Variants in GBF1 observed in about 807,000 individuals in gnomAD.
GBF1 encodes Golgi-specific brefeldin A-resistance guanine nucleotide exchange factor 1.
GBF1 carries 114 observed loss-of-function variants against 210.5 expected under a neutral mutation model. The observed-to-expected ratio is 0.54, with a 90% CI of 0.47 to 0.63. The LOEUF is 0.63. GBF1 is among the 30% of genes least tolerant of loss of function. The pLI, the probability that GBF1 is intolerant of heterozygous loss-of-function variation, is 0.00. For synonymous variants in GBF1, 850 were observed against 889.2 expected, an observed-to-expected ratio of 0.96 and a Z score of 0.78; for missense variants, 1,851 against 2,357.7, an observed-to-expected ratio of 0.79 and a Z score of 4.45.
intron 3 of GBF1, among the ~76,000 whole-genome samples, chr10:102,272,270 A>G (rs2074513981): frequency 6.6e-6 from 1 of 152,074 alleles, no homozygotes; most frequent in Admixed American, 6.6e-5. Flanking sequence ...GCACATGGCT[A>G]ATTTTTGTAT....
chr10:102,303,481 C>T (rs1431040891), intron 3 of GBF1, among the ~76,000 whole-genome samples: 3 of 152,158 alleles, frequency 2.0e-5, no homozygotes, highest in Admixed American at 2.0e-4. Flanking sequence ...CTAGAAAAAG[C>T]CTTACACAGC....
intron 3 of GBF1, among the ~76,000 whole-genome samples, chr10:102,331,752 C>T (rs2057348300): frequency 6.6e-6 from 1 of 151,994 alleles, no homozygotes; most frequent in African/African-American, 2.4e-5. Context: ...GCCATCATGG[C>T]TCACTCCAGC....
intron 3 of GBF1, among the ~76,000 whole-genome samples, chr10:102,275,147 G>A (rs923786338): frequency 6.6e-6 from 1 of 151,866 alleles, no homozygotes; most frequent in African/African-American, 2.4e-5. Flanking sequence ...GAGCCACTGC[G>A]CCCAGCCAAA....
chr10:102,321,758 C>T (rs1357519534), intron 3 of GBF1, among the ~76,000 whole-genome samples: 3 of 152,044 alleles, frequency 2.0e-5, no homozygotes, highest in East Asian at 1.9e-4. Context: ...GACGGGGTTT[C>T]GCCATGTTGC....
chr10:102,382,115 G>GC lies in GBF1; in HGVS notation c.5364dup (p.Ser1789LeufsTer70). 6.3e-7 allele frequency: 1 copy of GC among 1,599,918 alleles called. No homozygotes were observed. The highest frequency in any genetic ancestry group is 8.5e-7 in the Non-Finnish European group (1 of 1,171,972). On this transcript the variant is annotated frameshift_variant, in exon 40 of 40. Transcript: ENST00000369983. LOFTEE classifies it high-confidence loss of function. ...CAGCAGCTCCCCAGGATCACCAGTG[G>GC]CCTCAAGCCCCAGCAGGCTGAGCCC... is the stretch of plus-strand genomic sequence containing the variant.
At chr10:102,364,251 GTC>G (rs2059784501) in intron 17 of GBF1, among the ~76,000 whole-genome samples, 1 of 120,060 alleles carries the variant, frequency 8.3e-6, no homozygotes, top group Non-Finnish European at 1.6e-5. Context: ...TTCAGACGGA[GTC>G]TCTCTCTGTT....
At chr10:102,252,196 C>T (rs7898499) in intron 1 of GBF1, among the ~76,000 whole-genome samples, 7,628 of 151,764 alleles carry the variant, frequency 0.05, 386 homozygotes, top group African/African-American at 0.13. Context: ...AAAATTGGCC[C>T]GGCATGGTGG....
chr10:102,250,906 G>A (rs1007473991), intron 1 of GBF1, among the ~76,000 whole-genome samples: 3 of 151,816 alleles, frequency 2.0e-5, no homozygotes, highest in African/African-American at 7.3e-5. Flanking sequence ...GCAGTGAGCC[G>A]AGATTGCGCC....
At chr10:102,314,681 A>G (rs1460737196) in intron 3 of GBF1, among the ~76,000 whole-genome samples, 2 of 152,222 alleles carry the variant, frequency 1.3e-5, no homozygotes, top group Non-Finnish European at 2.9e-5. Context: ...CATGCCTGCC[A>G]TATAACAGTT....
At position 102,249,533 on chromosome 10, in the gene GBF1, CCTT is replaced by C. The variant is rs1179279407; in HGVS notation, c.-11+3756_-11+3758del. 2.0e-5 allele frequency among the ~76,000 whole-genome samples: 3 copies of C among 152,232 alleles called. No homozygotes were observed. In the East Asian group the frequency reaches 5.8e-4, roughly 29 times the overall value. Reference sequence around the variant, plus strand: ...GGCACCAGCTTTTTTCCCAGTTTAACCTTCTTTTACTTCCACCCTTTAAGTAAA... The same window carrying C: ...GGCACCAGCTTTTTTCCCAGTTTAACCTTTTACTTCCACCCTTTAAGTAAA... On this transcript the variant is annotated intron_variant, in intron 1 of 39. Transcript: ENST00000369983.
At chr10:102,342,409 TCACACACAGACACA>T (rs1565132812) in intron 3 of GBF1, among the ~76,000 whole-genome samples, 1 of 146,460 alleles carries the variant, frequency 6.8e-6, no homozygotes, top group African/African-American at 2.5e-5. Context: ...ACACACACAC[TCACACACAGACACA>T]CACACACGTT....
chr10:102,346,125 A>G (rs559395685), intron 4 of GBF1, among the ~76,000 whole-genome samples: 2 of 152,100 alleles, frequency 1.3e-5, no homozygotes, highest in African/African-American at 4.8e-5. Flanking sequence ...GGGTTTCACC[A>G]TTTTGTGCCA....
At chr10:102,310,244 C>T (rs1392863361) in intron 3 of GBF1, among the ~76,000 whole-genome samples, 3 of 152,170 alleles carry the variant, frequency 2.0e-5, no homozygotes, top group Non-Finnish European at 4.4e-5. Context: ...TGGGAAAAGT[C>T]GTGCCTCATG....
At chr10:102,286,873 T>C (rs1259754182) in intron 3 of GBF1, among the ~76,000 whole-genome samples, 1 of 70,208 alleles carries the variant, frequency 1.4e-5, no homozygotes, top group Admixed American at 1.7e-4. Context: ...ACCCTTACAG[T>C]GGCTGCCTTG....
chr10:102,292,296 G>GA (rs1049048448), intron 3 of GBF1, among the ~76,000 whole-genome samples: 6 of 150,924 alleles, frequency 4.0e-5, no homozygotes, highest in South Asian at 2.1e-4. Context: ...AAACAGAAAA[G>GA]AAAAAAAAAT....
Position 102,382,561 on chromosome 10 carries a change from G to A in GBF1, c.*225G>A. 2.0e-6 allele frequency: 1 copy of A among 494,660 alleles called. No homozygotes were observed. 30.6% of individuals were successfully genotyped at this position (494,660 alleles called of 1,614,324 possible). A position where few individuals can be genotyped will look rare whatever the true frequency, so the allele number is the denominator to read the frequency against. ...CGCTCCATTCCTGGGGGTTCAGCCTGAGAGTGAACTCAGCTGTCATCTGCA... is the reference window on the plus strand; with the variant it reads ...CGCTCCATTCCTGGGGGTTCAGCCTAAGAGTGAACTCAGCTGTCATCTGCA... On this transcript the variant is annotated 3_prime_UTR_variant, in exon 40 of 40. Coordinates refer to ENST00000369983, the MANE Select transcript of GBF1 (RefSeq NM_001377137.1).
the GBF1 span, chr10:102,231,572 G>A: frequency 6.5e-7 from 1 of 1,546,522 alleles, no homozygotes; most frequent in Non-Finnish European, 8.8e-7. Flanking sequence ...GCGAGTCGCG[G>A]GTCTGGAGAG....
At chr10:102,358,806 A>G (rs1193139272) in intron 10 of GBF1, 77 bp downstream of exon 10, 1 of 918,568 alleles carries the variant, frequency 1.1e-6, no homozygotes, top group East Asian at 2.6e-5. Context: ...TCCTTTATGC[A>G]GGACTTGGCT....
chr10:102,339,954 T>TA (rs71016376), intron 3 of GBF1, among the ~76,000 whole-genome samples: 1 of 17,358 alleles, frequency 5.8e-5, no homozygotes, highest in Admixed American at 4.6e-4. Flanking sequence ...ACCTGGTTAA[T>TA]TTTTTTTTTT....
Sources: allele counts gnomAD v4.1 joint callset (sites outside exome capture counted in the v4.1 genomes callset), GRCh38; gene constraint gnomAD v4.1.1; transcripts MANE v1.5; gene names NCBI Gene and HGNC (gene_info 2026-07-23, HGNC 2026-07-21).